Variants in ANKRD11 observed in about 807,000 individuals in gnomAD.
ANKRD11 encodes ankyrin repeat domain 11.
In ANKRD11, 17 loss-of-function variants were observed where a neutral mutation model predicts 195.7. The observed-to-expected ratio is 0.09, with a 90% CI of 0.06 to 0.13. The LOEUF (loss-of-function observed/expected upper bound fraction) is 0.13. ANKRD11 is among the 10% of genes least tolerant of loss of function. The probability of loss-of-function intolerance (pLI) is 1.00; values close to 1 mark genes in which losing one functional copy is unlikely to be tolerated. For synonymous variants in ANKRD11, 1,953 were observed against 1,528.1 expected (o/e 1.28, Z -6.49); for missense variants, 3,735 against 3,566.1 (o/e 1.05, Z -1.21).
chr16:89,489,629 T>G (rs1007639688), intron 1 of ANKRD11, among the ~76,000 whole-genome samples: 1 of 151,704 alleles, frequency 6.6e-6, no homozygotes, highest in Non-Finnish European at 1.5e-5. Context: ...GGCGCCCCTC[T>G]CGCGGGTCAG....
intron 2 of ANKRD11, among the ~76,000 whole-genome samples, chr16:89,379,196 G>A (rs1010102020): frequency 2.6e-5 from 4 of 152,254 alleles, no homozygotes; most frequent in African/African-American, 4.8e-5. Context: ...GCTGGCAGCC[G>A]GCGGGCTAGA....
chr16:89,284,455 T>G lies in ANKRD11; in HGVS notation c.2087A>C (p.Lys696Thr), dbSNP rs773188476. The stretch of plus-strand genomic sequence containing the variant: ...TTTCATTTTGCTAAGTTTCTCTTCT[T>G]TTTTAAAGTGGTCGCGATCGTGCTT... ...VLKHDRDHFK[K>T]EEKLSKMKLE... The change falls in exon 9 of 13, where the codon AAA becomes ACA. Residue 696 changes from lysine to threonine, a missense_variant. Lys to Thr is a moderately conservative substitution (Grantham distance 78). Coordinates refer to ENST00000301030, the MANE Select transcript of ANKRD11 (RefSeq NM_013275.6). The G allele has an allele frequency of 3.3e-5, 54 of 1,613,864 alleles. No homozygotes were observed. Among genetic ancestry groups the G allele is most frequent in the Non-Finnish European group, 4.4e-5 (52 of 1,180,008 alleles).
rs558732072 is a variant in ANKRD11 at position 89,384,720 on chromosome 16, A to G, written c.-60+33564T>C. Among the ~76,000 whole-genome samples the G allele has an allele frequency of 5.9e-5, 9 of 152,192 alleles. No homozygotes were observed. The East Asian group carries it at 1.7e-3, about 29-fold the overall frequency. On this transcript the variant is annotated intron_variant, in intron 2 of 12. Coordinates refer to ENST00000301030, the MANE Select transcript of ANKRD11 (RefSeq NM_013275.6). Reference sequence around the variant, plus strand: ...TCAATTCTTCCCTCCTTTTACCTCAATCAGGTGGCCTTTTGGTCTTACTGT... The same window carrying G: ...TCAATTCTTCCCTCCTTTTACCTCAGTCAGGTGGCCTTTTGGTCTTACTGT...
At position 89,278,343 on chromosome 16, in the gene ANKRD11, G is replaced by C; in HGVS notation, c.7470+729C>G. The C allele has an allele frequency of 5.7e-6, 2 of 352,160 alleles. 1 individual carries two copies. Among genetic ancestry groups the C allele is most frequent in the South Asian group, 4.1e-5 (2 of 48,204 alleles). The allele number at this position is 352,160 out of a possible 1,614,324, so 21.8% of individuals were successfully genotyped here. ...AGGTGGGAACCCAGTCAGGCCCCGC[G>C]GCCCAGGGCAGAGAGTGCACAGGGC... On this transcript the variant is annotated intron_variant, in intron 9 of 12. Coordinates refer to ENST00000301030, the MANE Select transcript of ANKRD11 (RefSeq NM_013275.6).
Position 89,340,638 on chromosome 16 carries a change from T to C in ANKRD11, c.-59-23560A>G, listed in dbSNP as rs549499789. 3.9e-5 allele frequency among the ~76,000 whole-genome samples: 6 copies of C among 152,362 alleles called. No homozygotes were observed. In the East Asian group the frequency reaches 7.7e-4, roughly 20 times the overall value. ...AGGGGAAACAGTACTTTGCACATCA[T>C]CTTTTTTTCTAACATGATTACATTC... On this transcript the variant is annotated intron_variant, in intron 2 of 12. Transcript: ENST00000301030.
chr16:89,304,677 C>T (rs1326871273), intron 4 of ANKRD11, among the ~76,000 whole-genome samples: 2 of 151,966 alleles, frequency 1.3e-5, no homozygotes, highest in Non-Finnish European at 2.9e-5. Context: ...CATGGGCACA[C>T]ATACACACAG....
chr16:89,289,502 C>T (rs2034883173), intron 6 of ANKRD11, among the ~76,000 whole-genome samples: 1 of 152,118 alleles, frequency 6.6e-6, no homozygotes, highest in Non-Finnish European at 1.5e-5. Context: ...CTCTTAAGCC[C>T]CTGGGCCGTA....
chr16:89,435,802 A>T (rs375474151), intron 1 of ANKRD11, among the ~76,000 whole-genome samples: 58 of 143,562 alleles, frequency 4.0e-4, no homozygotes, highest in African/African-American at 1.5e-3. Context: ...CTCTTCACAC[A>T]CACACACACA....
Position 89,268,301 on chromosome 16 carries a change from C to T in ANKRD11, c.*177G>A, listed in dbSNP as rs1295252601. On this transcript the variant is annotated 3_prime_UTR_variant, in exon 13 of 13. Coordinates refer to ENST00000301030, the MANE Select transcript of ANKRD11 (RefSeq NM_013275.6). ...CTGGTAGAGAAGAGACGTGTTTCAC[C>T]TCCCCGACGTCTGGACCAGTCTGGA... The T allele has an allele frequency of 2.6e-6, 1 of 382,676 alleles. No individual in the cohort carries two copies. The highest frequency in any genetic ancestry group is 4.5e-5 in the East Asian group (1 of 22,276). The allele number at this position is 382,676 out of a possible 1,614,324, so 23.7% of individuals were successfully genotyped here.
chr16:89,281,697 G>C lies in ANKRD11; in HGVS notation c.4845C>G (p.Ser1615=), dbSNP rs140467207. ...CCTTCTCCTTGAGCTTGGGGTCTCCGGACCGGTGCCTCAGCTTCTCCATTT... is the reference window on the plus strand; with the variant it reads ...CCTTCTCCTTGAGCTTGGGGTCTCCCGACCGGTGCCTCAGCTTCTCCATTT... The part of the protein sequence containing the change: ...MKQMEKLRHR[S]GDPKLKEKAK... The change falls in exon 9 of 13, where the codon TCC becomes TCG. Residue 1615 remains serine, a synonymous_variant. Coordinates refer to ENST00000301030, the MANE Select transcript of ANKRD11 (RefSeq NM_013275.6). This position sits in a 1 kb window ranked among gnomAD's most constrained non-coding sequence, Gnocchi z 5.5. 6 of 1,614,104 alleles carry C rather than the reference G, an allele frequency of 3.7e-6. No individual in the cohort carries two copies. In the East Asian group the frequency reaches 1.1e-4, roughly 30 times the overall value.
chr16:89,462,554 T>G (rs1275264381), intron 1 of ANKRD11, among the ~76,000 whole-genome samples: 2 of 150,714 alleles, frequency 1.3e-5, no homozygotes, highest in Non-Finnish European at 3.0e-5. Flanking sequence ...GAGGAGCCCC[T>G]CTGCCTGGCT....
At chr16:89,415,846 A>AAAAAAAAAAAAAAAAAAT (rs1448507066) in intron 2 of ANKRD11, among the ~76,000 whole-genome samples, 2 of 146,378 alleles carry the variant, frequency 1.4e-5, no homozygotes, top group Admixed American at 6.9e-5. Context: ...AAAAAAAAAA[A>AAAAAAAAAAAAAAAAAAT]AAAACAATGG....
At chr16:89,413,982 C>T (rs898266346) in intron 2 of ANKRD11, among the ~76,000 whole-genome samples, 1 of 152,124 alleles carries the variant, frequency 6.6e-6, no homozygotes. Flanking sequence ...GCGGAGGGGG[C>T]TCGGCTCTGG....
At chr16:89,442,516 T>TTC (rs999341293) in intron 1 of ANKRD11, among the ~76,000 whole-genome samples, 8 of 152,032 alleles carry the variant, frequency 5.3e-5, no homozygotes, top group African/African-American at 1.2e-4. Context: ...TTGTCTCTGT[T>TTC]TCTCTCTCTC....
chr16:89,274,692 C>T (rs1455641834), intron 11 of ANKRD11, 122 bp downstream of exon 11: 12 of 1,413,686 alleles, frequency 8.5e-6, no homozygotes, highest in African/African-American at 1.4e-5. Context: ...ACTCTGTAGC[C>T]CCTGCAAGGT....
chr16:89,423,310 C>A (rs1041488588), intron 1 of ANKRD11, among the ~76,000 whole-genome samples: 4 of 152,358 alleles, frequency 2.6e-5, no homozygotes, highest in Admixed American at 2.6e-4. Context: ...TGGGCATCTG[C>A]CCCCGACACT....
At chr16:89,324,129 C>T (rs1049784621) in intron 2 of ANKRD11, 7 of 818,346 alleles carry the variant, frequency 8.6e-6, no homozygotes, top group African/African-American at 5.5e-5. Flanking sequence ...CACGGCACAA[C>T]GCTCTCTACT....
chr16:89,461,665 T>A (rs1567837942), intron 1 of ANKRD11, among the ~76,000 whole-genome samples: 1 of 152,152 alleles, frequency 6.6e-6, no homozygotes, highest in Non-Finnish European at 1.5e-5. Context: ...TAATACCGAT[T>A]TACTAAACAA....
Position 89,282,682 on chromosome 16 carries a change from T to G in ANKRD11, c.3860A>C (p.Glu1287Ala). The G allele has an allele frequency of 6.2e-7, 1 of 1,614,124 alleles. No individual in the cohort carries two copies. The highest frequency in any genetic ancestry group is 8.5e-7 in the Non-Finnish European group (1 of 1,180,028). ...EKSLLEKLEE[E>A]ALHEYREDSN... ...GTCTTCTCTGTACTCATGGAGAGCCTCTTCTTCCAACTTTTCAAGCAGGCT... is the reference window on the plus strand; with the variant it reads ...GTCTTCTCTGTACTCATGGAGAGCCGCTTCTTCCAACTTTTCAAGCAGGCT... The change falls in exon 9 of 13, where the codon GAG becomes GCG. Residue 1287 changes from glutamate to alanine, a missense_variant. By Grantham distance (107) the Glu-to-Ala change is moderately radical. Coordinates refer to ENST00000301030, the MANE Select transcript of ANKRD11 (RefSeq NM_013275.6).
Sources: gnomAD v4.1 joint callset for allele counts (sites outside exome capture counted in the v4.1 genomes callset) on GRCh38, gnomAD v4.1.1 for gene constraint, Gnocchi (gnomAD v3.1) non-coding constraint, MANE v1.5 for transcripts, NCBI Gene and HGNC (gene_info 2026-07-23, HGNC 2026-07-21) for gene names.